Variants in NAV2 observed in about 807,000 individuals in gnomAD.
NAV2 encodes neuron navigator 2, also known as helicase, APC down-regulated 1.
NAV2 carries 54 observed loss-of-function variants against 223.2 expected under a neutral mutation model. The ratio of observed to expected loss-of-function variants is 0.24; its 90% confidence interval spans 0.19 to 0.30. The LOEUF (loss-of-function observed/expected upper bound fraction) is 0.30, where lower values mean the gene tolerates loss of function less well. NAV2 is among the 10% of genes least tolerant of loss of function. The pLI, the probability that NAV2 is intolerant of heterozygous loss-of-function variation, is 1.00. For missense variants in NAV2, 2,806 were observed against 3,147.5 expected (o/e 0.89, Z 2.60); for synonymous variants, 1,279 against 1,239.3 (o/e 1.03, Z -0.67).
chr11:19,713,566 T>C lies in NAV2; in HGVS notation c.-130T>C. On this transcript the variant is annotated 5_prime_UTR_variant, in exon 1 of 38. Transcript: ENST00000349880. This position sits in a 1 kb window ranked among gnomAD's most constrained non-coding sequence, Gnocchi z 7.2. ...AGTTCCCCGACCTGGGGATTTTTTT[T>C]TTAGCCGCTGGTGGTGGGCGCCTCG... The C allele has an allele frequency of 1.4e-6, 2 of 1,400,228 alleles. No individual in the cohort carries two copies. Among genetic ancestry groups the C allele is most frequent in the Non-Finnish European group, 1.9e-6 (2 of 1,077,162 alleles). The allele number at this position is 1,400,228 out of a possible 1,614,324, so 86.7% of individuals were successfully genotyped here.
In NAV2 at chr11:20,041,208, C is replaced by T. The variant is rs1234198860; in HGVS notation, c.2908-2773C>T. ...AAATGTATCATATACCTCGACTTATCCTTAGGGAGGGCAGTGTGGCATGGT... is the reference window on the plus strand; with the variant it reads ...AAATGTATCATATACCTCGACTTATTCTTAGGGAGGGCAGTGTGGCATGGT... On this transcript the variant is annotated intron_variant, in intron 12 of 37. Transcript: ENST00000349880. Among the ~76,000 whole-genome samples, 8 of 152,226 alleles carry T rather than the reference C, an allele frequency of 5.3e-5. No homozygotes were observed. In the East Asian group the frequency reaches 1.5e-3, roughly 29 times the overall value.
chr11:19,910,741 C>T (rs2043238416), intron 6 of NAV2, among the ~76,000 whole-genome samples: 1 of 152,036 alleles, frequency 6.6e-6, no homozygotes, highest in East Asian at 1.9e-4. Flanking sequence ...GCCTGTAATC[C>T]CAGCTACTCG....
At chr11:19,891,979 G>A (rs2041536628) in intron 5 of NAV2, among the ~76,000 whole-genome samples, 1 of 152,034 alleles carries the variant, frequency 6.6e-6, no homozygotes, top group Admixed American at 6.5e-5. Context: ...TTTGTTTTGA[G>A]TCAGGGTCCC....
chr11:20,029,606 C>T (rs2055497146), intron 11 of NAV2, among the ~76,000 whole-genome samples: 2 of 152,220 alleles, frequency 1.3e-5, no homozygotes, highest in Non-Finnish European at 2.9e-5. Context: ...GCAGGGAAAA[C>T]TCTGAATTCT....
chr11:19,814,645 T>C, intron 1 of NAV2, among the ~76,000 whole-genome samples: 1 of 152,158 alleles, frequency 6.6e-6, no homozygotes, highest in Non-Finnish European at 1.5e-5. Flanking sequence ...TTTGTTTGTT[T>C]TGAGAGAGTG....
At chr11:20,086,508 T>C (rs896639454) in intron 26 of NAV2, among the ~76,000 whole-genome samples, 1 of 152,190 alleles carries the variant, frequency 6.6e-6, no homozygotes, top group African/African-American at 2.4e-5. Flanking sequence ...GCTTCATTTT[T>C]CCCCATTGCA....
intron 1 of NAV2, among the ~76,000 whole-genome samples, chr11:19,758,506 G>A (rs2054428018): frequency 1.3e-5 from 2 of 152,170 alleles, no homozygotes; most frequent in Non-Finnish European, 2.9e-5. Context: ...GGGTGACTTC[G>A]TTATAAGAGG....
intron 1 of NAV2, among the ~76,000 whole-genome samples, chr11:19,612,617 A>T (rs1413153943): frequency 4.6e-5 from 7 of 152,264 alleles, no homozygotes; most frequent in Admixed American, 4.6e-4. Context: ...CTAAAACATA[A>T]CAAGAGTTGC....
chr11:19,472,070 C>T (rs1209056456), intron 1 of NAV2, among the ~76,000 whole-genome samples: 1 of 152,218 alleles, frequency 6.6e-6, no homozygotes, highest in Non-Finnish European at 1.5e-5. Flanking sequence ...AGCTTCATTA[C>T]TCCTGTCTGT....
intron 11 of NAV2, 51 bp downstream of exon 11, chr11:19,984,298 G>T: frequency 6.2e-7 from 1 of 1,606,274 alleles, no homozygotes; most frequent in Non-Finnish European, 8.5e-7. Flanking sequence ...ATCCCAGGGG[G>T]GCCCTGAGAA....
At chr11:19,358,924 T>C (rs1853775323) in intron 1 of NAV2, among the ~76,000 whole-genome samples, 3 of 152,250 alleles carry the variant, frequency 2.0e-5, no homozygotes, top group Non-Finnish European at 4.4e-5. Context: ...GCACCTCACA[T>C]GTGTAAATCT....
At chr11:19,910,699 A>G (rs975914301) in intron 6 of NAV2, among the ~76,000 whole-genome samples, 1 of 152,160 alleles carries the variant, frequency 6.6e-6, no homozygotes, top group African/African-American at 2.4e-5. Flanking sequence ...TGTCTACTAA[A>G]TACAAAAAAT....
At chr11:19,842,138 T>A (rs892044815) in intron 2 of NAV2, among the ~76,000 whole-genome samples, 1 of 152,172 alleles carries the variant, frequency 6.6e-6, no homozygotes, top group Admixed American at 6.5e-5. Flanking sequence ...TTGGACTGTG[T>A]TATGCCAGGG....
At chr11:20,039,851 A>C (rs1188345942) in intron 12 of NAV2, among the ~76,000 whole-genome samples, 1 of 152,234 alleles carries the variant, frequency 6.6e-6, no homozygotes, top group African/African-American at 2.4e-5. Context: ...AAAATTCTGA[A>C]TTATGTGGCA....
chr11:19,604,747 G>T (rs1464838675), intron 1 of NAV2, among the ~76,000 whole-genome samples: 3 of 152,168 alleles, frequency 2.0e-5, no homozygotes, highest in Non-Finnish European at 4.4e-5. Flanking sequence ...ATCTTGAATT[G>T]TAGCTCCTGC....
chr11:19,696,620 G>T (rs1233378353), intron 1 of NAV2, among the ~76,000 whole-genome samples: 4 of 152,202 alleles, frequency 2.6e-5, no homozygotes, highest in Non-Finnish European at 5.9e-5. Flanking sequence ...GTTTGAAATT[G>T]GTTCTTGATG....
chr11:19,796,054 T>C (rs1413938899), intron 1 of NAV2, among the ~76,000 whole-genome samples: 1 of 152,156 alleles, frequency 6.6e-6, no homozygotes, highest in Non-Finnish European at 1.5e-5. Context: ...ATATAATGTG[T>C]TATATAGTTA....
intron 1 of NAV2, among the ~76,000 whole-genome samples, chr11:19,371,278 G>A (rs1385399722): frequency 3.9e-5 from 6 of 152,146 alleles, no homozygotes; most frequent in African/African-American, 1.4e-4. Context: ...ATGCCGTTTG[G>A]AGAGAATAAG....
rs1223880756 is a variant in NAV2 at position 19,998,786 on chromosome 11, G to A, written c.2768+14539G>A. On this transcript the variant is annotated intron_variant, in intron 11 of 37. Coordinates refer to ENST00000349880, the MANE Select transcript of NAV2 (RefSeq NM_145117.5). This position sits in a 1 kb window ranked among gnomAD's most constrained non-coding sequence, Gnocchi z 5.0. Reference sequence around the variant, plus strand: ...CAACTCAAACTTCACCACTTAGAGAGGCTGCTACTGACCACTCAATCTAAA... The same window carrying A: ...CAACTCAAACTTCACCACTTAGAGAAGCTGCTACTGACCACTCAATCTAAA... 6.6e-6 allele frequency among the ~76,000 whole-genome samples: 1 copy of A among 152,206 alleles called. No homozygotes were observed. Among genetic ancestry groups the A allele is most frequent in the African/African-American group, 2.4e-5 (1 of 41,452 alleles).
Sources: gnomAD v4.1 joint callset for allele counts (sites outside exome capture counted in the v4.1 genomes callset) on GRCh38, gnomAD v4.1.1 for gene constraint, Gnocchi (gnomAD v3.1) non-coding constraint, MANE v1.5 for transcripts, NCBI Gene and HGNC (gene_info 2026-07-23, HGNC 2026-07-21) for gene names.